The following PHKB variants were observed in gnomAD, a reference collection of about 807,000 sequenced individuals.
PHKB encodes phosphorylase kinase regulatory subunit beta.
In PHKB, 122 loss-of-function variants were observed where a neutral mutation model predicts 152.1. That is an observed-to-expected ratio of 0.80 (90% confidence interval 0.69 to 0.93). PHKB has a LOEUF of 0.93. Ranked by LOEUF, PHKB falls within the 40% of genes least tolerant of loss-of-function variation. The pLI, the probability that PHKB is intolerant of heterozygous loss-of-function variation, is 0.00. For synonymous variants in PHKB, 436 were observed against 464.9 expected (o/e 0.94, Z 0.80); for missense variants, 1,304 against 1,328.4 (o/e 0.98, Z 0.29).
At chr16:47,500,911 A>T (rs1188298595) in intron 3 of PHKB, among the ~76,000 whole-genome samples, 1 of 152,212 alleles carries the variant, frequency 6.6e-6, no homozygotes, top group Non-Finnish European at 1.5e-5. Flanking sequence ...CCACATGAAC[A>T]CGATTTATCT....
At chr16:47,540,741 A>T (rs189483632) in intron 6 of PHKB, among the ~76,000 whole-genome samples, 1 of 151,958 alleles carries the variant, frequency 6.6e-6, no homozygotes, top group East Asian at 1.9e-4. Flanking sequence ...TATATTAAAA[A>T]TGTGTTGGGA....
chr16:47,678,528 GA>G (rs1454264403), intron 26 of PHKB, among the ~76,000 whole-genome samples: 1 of 152,090 alleles, frequency 6.6e-6, no homozygotes, highest in Non-Finnish European at 1.5e-5. Flanking sequence ...CAGTGATCAT[GA>G]GCATTTTTTC....
chr16:47,629,286 C>T (rs1385454886), intron 14 of PHKB, among the ~76,000 whole-genome samples: 2 of 151,860 alleles, frequency 1.3e-5, no homozygotes, highest in African/African-American at 4.8e-5. Flanking sequence ...TGACAAAGGG[C>T]TAATATCCAG....
At chr16:47,498,579 T>C (rs1011098554) in intron 2 of PHKB, among the ~76,000 whole-genome samples, 10 of 152,228 alleles carry the variant, frequency 6.6e-5, no homozygotes, top group African/African-American at 2.4e-4. Context: ...AACAGAATGT[T>C]TTCTGCCTTT....
intron 6 of PHKB, among the ~76,000 whole-genome samples, chr16:47,542,782 C>A (rs975892159): frequency 1.3e-5 from 2 of 152,116 alleles, no homozygotes; most frequent in African/African-American, 4.8e-5. Context: ...GGAGTTTGCT[C>A]ATGATTTGGC....
intron 1 of PHKB, among the ~76,000 whole-genome samples, chr16:47,470,216 A>G (rs777784968): frequency 2.6e-5 from 4 of 152,214 alleles, no homozygotes; most frequent in African/African-American, 4.8e-5. Context: ...TTACCCACGT[A>G]TTTATTCACA....
chr16:47,543,338 C>T (rs1971097039), intron 6 of PHKB, among the ~76,000 whole-genome samples: 1 of 152,104 alleles, frequency 6.6e-6, no homozygotes, highest in African/African-American at 2.4e-5. Flanking sequence ...GCCTTGCATC[C>T]CAGGGATGAT....
intron 16 of PHKB, among the ~76,000 whole-genome samples, chr16:47,644,106 A>G (rs1973073570): frequency 1.3e-5 from 1 of 75,394 alleles, no homozygotes; most frequent in Admixed American, 1.4e-4. Flanking sequence ...AATAAAGAGT[A>G]GTATTTAAAG....
intron 26 of PHKB, among the ~76,000 whole-genome samples, chr16:47,673,651 G>C (rs1169726857): frequency 6.6e-6 from 1 of 152,076 alleles, no homozygotes; most frequent in East Asian, 1.9e-4. Context: ...GATCTAAGAG[G>C]AGACAAGTTT....
rs996846426 is a variant in PHKB at position 47,641,632 on chromosome 16, A to G, written c.1548A>G (p.Gln516=). 4 of 1,605,692 alleles carry G rather than the reference A, an allele frequency of 2.5e-6. No homozygotes were observed. In the African/African-American group the frequency reaches 5.4e-5, roughly 21 times the overall value. The part of the protein sequence containing the change: ...LQVFLNTYGI[Q]TQTPQQVEPI... ...TTTTTCTGAACACATATGGTATTCA[A>G]ACTCAAACTCCTCAACAAGTAGAAC... The change falls in exon 16 of 31, where the codon CAA becomes CAG. Residue 516 remains glutamine (Q), a synonymous_variant. Transcript: ENST00000323584.
intron 4 of PHKB, among the ~76,000 whole-genome samples, chr16:47,503,340 C>T (rs1970355726): frequency 6.6e-6 from 1 of 152,168 alleles, no homozygotes; most frequent in East Asian, 1.9e-4. Flanking sequence ...TGTTTTGCAT[C>T]TGGTGTTGCT....
At chr16:47,666,776 C>G (rs928807477) in intron 25 of PHKB, among the ~76,000 whole-genome samples, 9 of 152,204 alleles carry the variant, frequency 5.9e-5, no homozygotes, top group Non-Finnish European at 1.2e-4. Flanking sequence ...TTGAATTGAG[C>G]CTTGCATGTG....
chr16:47,689,200 C>T, intron 27 of PHKB, 25 bp downstream of exon 27: 5 of 1,607,626 alleles, frequency 3.1e-6, no homozygotes, highest in Non-Finnish European at 4.3e-6. Flanking sequence ...TTGTTACCTA[C>T]ATGATACTCT....
intron 1 of PHKB, 102 bp downstream of exon 1, chr16:47,461,528 G>A: frequency 8.6e-7 from 1 of 1,158,854 alleles, no homozygotes; most frequent in South Asian, 1.3e-5. Flanking sequence ...GAATGAACCT[G>A]TGCCCCGAGT....
At chr16:47,619,010 A>G (rs779226953) in intron 14 of PHKB, 2 of 152,226 alleles carry the variant, frequency 1.3e-5, no homozygotes, top group African/African-American at 4.8e-5. Context: ...TGATAGATAC[A>G]ATGATAACTA....
Position 47,666,449 on chromosome 16 carries a change from G to A in PHKB, c.2427+1474G>A, listed in dbSNP as rs77373207. The stretch of plus-strand genomic sequence containing the variant: ...GTTCATGCCCAGCCAGGGTCTTTGC[G>A]TGCCAGTGCTGCTCCCCAGATCCCC... On this transcript the variant is annotated intron_variant, in intron 25 of 30. Coordinates refer to ENST00000323584, the MANE Select transcript of PHKB (RefSeq NM_000293.3). Among the ~76,000 whole-genome samples the A allele has an allele frequency of 2.1e-3, 326 of 152,274 alleles. 2 individuals carry two copies. The highest frequency in any genetic ancestry group is 7.2e-3 in the African/African-American group (300 of 41,560).
At chr16:47,699,149 C>T (rs1974205446) in intron 30 of PHKB, 80 bp from the exon 31 acceptor site, 1 of 1,310,024 alleles carries the variant, frequency 7.6e-7, no homozygotes, top group East Asian at 2.3e-5. Flanking sequence ...TTATTTTTCC[C>T]CCTAAGCTGA....
chr16:47,508,751 A>G (rs1223243688), intron 4 of PHKB, among the ~76,000 whole-genome samples: 1 of 152,236 alleles, frequency 6.6e-6, no homozygotes, highest in Non-Finnish European at 1.5e-5. Flanking sequence ...AGATGCCAGA[A>G]TCATACAAAA....
intron 29 of PHKB, 104 bp from the exon 30 acceptor site, chr16:47,698,344 A>G: frequency 1.1e-6 from 1 of 882,680 alleles, no homozygotes; most frequent in Non-Finnish European, 1.9e-6. Context: ...TGAGCCCCTC[A>G]TCATATAGAA....
Sources: gnomAD v4.1 joint callset for allele counts (sites outside exome capture counted in the v4.1 genomes callset) on GRCh38, gnomAD v4.1.1 for gene constraint, MANE v1.5 for transcripts, NCBI Gene and HGNC (gene_info 2026-07-23, HGNC 2026-07-21) for gene names.